RPS6KC1: variants seen among roughly 807,000 people sequenced by gnomAD.
RPS6KC1 encodes the protein inactive ribosomal protein S6 kinase delta-1.
RPS6KC1 carries 54 observed loss-of-function variants against 103.8 expected under a neutral mutation model. The observed-to-expected ratio is 0.52, with a 90% CI of 0.42 to 0.65. RPS6KC1 has a LOEUF of 0.65. RPS6KC1 is among the 30% of genes least tolerant of loss of function. The pLI, the probability that RPS6KC1 is intolerant of heterozygous loss-of-function variation, is 0.00. For synonymous variants in RPS6KC1, 439 were observed against 438.7 expected, an observed-to-expected ratio of 1.00 and a Z score of -0.01; for missense variants, 1,151 against 1,253.8, an observed-to-expected ratio of 0.92 and a Z score of 1.24.
the RPS6KC1 span, among the ~76,000 whole-genome samples, chr1:213,731,866 A>G: frequency 0.47 from 71,985 of 151,880 alleles, 17,715 homozygotes; most frequent in East Asian, 0.75. Flanking sequence ...ACAGTAGAAT[A>G]TATATACTTA....
At chr1:213,182,629 A>G (rs1453200743) in intron 8 of RPS6KC1, among the ~76,000 whole-genome samples, 2 of 151,820 alleles carry the variant, frequency 1.3e-5, no homozygotes, top group East Asian at 1.9e-4. Flanking sequence ...GCCCTAACAC[A>G]TTATAAATAT....
chr1:213,295,548 T>A, the RPS6KC1 span, among the ~76,000 whole-genome samples: 1 of 152,350 alleles, frequency 6.6e-6, no homozygotes, highest in African/African-American at 2.4e-5. Flanking sequence ...TCAAATTATT[T>A]GCTAGAGACT....
chr1:213,432,371 T>C, the RPS6KC1 span, among the ~76,000 whole-genome samples: 1 of 152,244 alleles, frequency 6.6e-6, no homozygotes, highest in Non-Finnish European at 1.5e-5. Context: ...TTCAGCATTA[T>C]AAATATATTC....
At chr1:213,250,370 C>A (rs1250259124) in intron 12 of RPS6KC1, among the ~76,000 whole-genome samples, 2 of 152,108 alleles carry the variant, frequency 1.3e-5, no homozygotes, top group African/African-American at 4.8e-5. Context: ...AGTTCATGTA[C>A]CCTGCTCAAC....
the RPS6KC1 span, among the ~76,000 whole-genome samples, chr1:213,849,770 T>C: frequency 6.6e-6 from 1 of 152,162 alleles, no homozygotes; most frequent in African/African-American, 2.4e-5. Flanking sequence ...TTTATTTAAG[T>C]TTTTTGAGGT....
At chr1:213,762,229 C>T in the RPS6KC1 span, among the ~76,000 whole-genome samples, 2 of 152,138 alleles carry the variant, frequency 1.3e-5, no homozygotes, top group African/African-American at 2.4e-5. Flanking sequence ...TCAAAAGCTC[C>T]TCCTCATGTC....
chr1:213,228,265 A>AC (rs2094006005), intron 8 of RPS6KC1, among the ~76,000 whole-genome samples: 1 of 152,246 alleles, frequency 6.6e-6, no homozygotes, highest in Non-Finnish European at 1.5e-5. Flanking sequence ...TAGTGATAGC[A>AC]GTAATAGCAA....
the RPS6KC1 span, among the ~76,000 whole-genome samples, chr1:213,376,286 AT>A: frequency 6.6e-6 from 1 of 152,120 alleles, no homozygotes; most frequent in African/African-American, 2.4e-5. Flanking sequence ...TGTCATTAGC[AT>A]TTCCCTAGTC....
Position 213,241,353 on chromosome 1 carries a change from C to T in RPS6KC1, c.1877C>T (p.Ser626Leu). The T allele has an allele frequency of 6.2e-7, 1 of 1,613,924 alleles. No individual in the cohort carries two copies. Among genetic ancestry groups the T allele is most frequent in the Non-Finnish European group, 8.5e-7 (1 of 1,179,932 alleles). ...GGAGAAAAATTGTATAGTCTAAAAT[C>T]AGAACCTTTGAAACCATTCTTTACT... Reference protein sequence around the residue: ...DFGEKLYSLKSEPLKPFFTLP... With the variant: ...DFGEKLYSLKLEPLKPFFTLP... Residue 626 changes from serine (S) to leucine (L), a missense_variant, in exon 11 of 15, where the codon TCA becomes TTA. Physicochemically the swap from Ser to Leu is moderately radical, Grantham distance 145. Coordinates refer to ENST00000366960, the MANE Select transcript of RPS6KC1 (RefSeq NM_012424.6).
intron 3 of RPS6KC1, among the ~76,000 whole-genome samples, chr1:213,103,292 T>C (rs1217609114): frequency 6.6e-6 from 1 of 152,164 alleles, no homozygotes; most frequent in Non-Finnish European, 1.5e-5. Flanking sequence ...ACACAGTCAA[T>C]AAAAGCTTGC....
the RPS6KC1 span, among the ~76,000 whole-genome samples, chr1:213,493,818 A>G: frequency 3.9e-5 from 6 of 152,232 alleles, no homozygotes; most frequent in Admixed American, 3.9e-4. Context: ...GGAAATACAG[A>G]GAGCAAGTGT....
chr1:213,069,185 AAATAGAG>A (rs1220829300), intron 1 of RPS6KC1, among the ~76,000 whole-genome samples: 2 of 152,226 alleles, frequency 1.3e-5, no homozygotes, highest in Non-Finnish European at 2.9e-5. Context: ...TGAACACTGC[AAATAGAG>A]AACCTTTTTT....
the RPS6KC1 span, among the ~76,000 whole-genome samples, chr1:213,396,569 C>A: frequency 6.6e-6 from 1 of 152,172 alleles, no homozygotes; most frequent in East Asian, 1.9e-4. Context: ...CAGGGGGCAG[C>A]TTTGAAAGCT....
At chr1:213,135,541 G>A (rs12562799) in intron 6 of RPS6KC1, among the ~76,000 whole-genome samples, 11 of 151,970 alleles carry the variant, frequency 7.2e-5, no homozygotes, top group African/African-American at 2.4e-4. Context: ...AGCTTTTTCT[G>A]TTTTAAAATA....
chr1:213,215,751 A>C lies in RPS6KC1; in HGVS notation c.1045-14746A>C, dbSNP rs1250752736. Among the ~76,000 whole-genome samples, 3 of 152,366 alleles carry C rather than the reference A, an allele frequency of 2.0e-5. No individual in the cohort carries two copies. The East Asian group carries it at 5.8e-4, about 29-fold the overall frequency. On this transcript the variant is annotated intron_variant, in intron 8 of 14. Coordinates refer to ENST00000366960, the MANE Select transcript of RPS6KC1 (RefSeq NM_012424.6). ...ACATTCTTAAAGAAAAGAATTTTTAACCCAGAATTTCATATCCAGCCAAAC... is the reference window on the plus strand; with the variant it reads ...ACATTCTTAAAGAAAAGAATTTTTACCCCAGAATTTCATATCCAGCCAAAC...
the RPS6KC1 span, among the ~76,000 whole-genome samples, chr1:213,300,993 T>C: frequency 2.0e-5 from 3 of 152,278 alleles, no homozygotes; most frequent in East Asian, 5.8e-4. Flanking sequence ...CCCTGCCTCC[T>C]GAAGAAGGTC....
At chr1:213,518,092 G>A in the RPS6KC1 span, among the ~76,000 whole-genome samples, 60 of 152,212 alleles carry the variant, frequency 3.9e-4, no homozygotes, top group African/African-American at 1.4e-3. Flanking sequence ...CTTTGGCATT[G>A]TAGTAAGTTC....
At chr1:213,692,922 G>A in the RPS6KC1 span, among the ~76,000 whole-genome samples, 5 of 152,220 alleles carry the variant, frequency 3.3e-5, no homozygotes, top group Admixed American at 6.5e-5. Context: ...CCTGGTGGTC[G>A]TGGGGCCATT....
At chr1:213,614,557 C>G in the RPS6KC1 span, among the ~76,000 whole-genome samples, 1 of 152,338 alleles carries the variant, frequency 6.6e-6, no homozygotes, top group Middle Eastern at 3.4e-3. Flanking sequence ...AAATCTTGTT[C>G]CAGTCGGCCT....
Sources: allele counts gnomAD v4.1 joint callset (sites outside exome capture counted in the v4.1 genomes callset), GRCh38; gene constraint gnomAD v4.1.1; transcripts MANE v1.5; gene names NCBI Gene and HGNC (gene_info 2026-07-23, HGNC 2026-07-21).